The following EYA2 variants were observed in gnomAD, a reference collection of about 807,000 sequenced individuals.
The protein encoded by EYA2 is protein phosphatase EYA2.
A neutral mutation model predicts 69.2 loss-of-function variants in EYA2; 31 were observed. The observed-to-expected ratio is 0.45, with a 90% confidence interval of 0.34 to 0.60. The LOEUF is 0.60. Among genes scored for constraint, EYA2 ranks in the 20% least tolerant of loss-of-function variants. The pLI is 0.02. For missense variants in EYA2, 622 were observed against 701.2 expected (o/e 0.89, Z 1.28); for synonymous variants, 257 against 279.4 (o/e 0.92, Z 0.80).
chr20:47,149,096 AC>A (rs2033767694), intron 10 of EYA2, among the ~76,000 whole-genome samples: 1 of 152,172 alleles, frequency 6.6e-6, no homozygotes, highest in Non-Finnish European at 1.5e-5. Context: ...AAAAAAAAAA[AC>A]AAGTATTATT....
chr20:47,052,745 C>A, intron 5 of EYA2, among the ~76,000 whole-genome samples: 1 of 152,182 alleles, frequency 6.6e-6, no homozygotes, highest in East Asian at 1.9e-4. Flanking sequence ...CCTCAGCCCC[C>A]AAGTAGCTGG....
chr20:47,008,599 A>G (rs1982871711), intron 4 of EYA2, among the ~76,000 whole-genome samples: 1 of 152,244 alleles, frequency 6.6e-6, no homozygotes, highest in Non-Finnish European at 1.5e-5. Flanking sequence ...GTTCCCAGAC[A>G]AAACATGGCA....
chr20:46,954,488 G>A (rs1234112104), intron 1 of EYA2, among the ~76,000 whole-genome samples: 4 of 152,228 alleles, frequency 2.6e-5, no homozygotes, highest in Admixed American at 6.5e-5. Flanking sequence ...ATTTTGACTT[G>A]TGGTTTGTGG....
intron 1 of EYA2, among the ~76,000 whole-genome samples, chr20:46,937,945 T>C (rs963349356): frequency 6.6e-6 from 1 of 152,216 alleles, no homozygotes; most frequent in Admixed American, 6.5e-5. Flanking sequence ...AGCCAGGCCC[T>C]GATTTAAGAG....
At chr20:47,134,281 G>T (rs1028131661) in intron 9 of EYA2, among the ~76,000 whole-genome samples, 1 of 152,198 alleles carries the variant, frequency 6.6e-6, no homozygotes, top group African/African-American at 2.4e-5. Flanking sequence ...GAGCAAAAAA[G>T]CCATGACAGG....
intron 1 of EYA2, among the ~76,000 whole-genome samples, chr20:46,897,875 T>C (rs1983891074): frequency 6.6e-6 from 1 of 152,116 alleles, no homozygotes; most frequent in Non-Finnish European, 1.5e-5. Flanking sequence ...ACAAAGATGC[T>C]TGGGGGAGAA....
intron 9 of EYA2, among the ~76,000 whole-genome samples, chr20:47,120,203 G>A (rs562941927): frequency 1.1e-4 from 16 of 151,414 alleles, no homozygotes; most frequent in Admixed American, 3.3e-4. Context: ...GCAAGACTCC[G>A]CCTCAAAAAA....
chr20:46,902,426 T>G (rs1984156839), intron 1 of EYA2, among the ~76,000 whole-genome samples: 1 of 152,242 alleles, frequency 6.6e-6, no homozygotes, highest in African/African-American at 2.4e-5. Context: ...TGGAACGTGC[T>G]GTTATTATTA....
At chr20:47,167,791 A>T (rs1458698315) in intron 10 of EYA2, among the ~76,000 whole-genome samples, 1 of 152,056 alleles carries the variant, frequency 6.6e-6, no homozygotes, top group African/African-American at 2.4e-5. Context: ...AAGATCTCTA[A>T]CTGAACTAAA....
At chr20:47,047,481 G>A (rs1260909235) in intron 5 of EYA2, among the ~76,000 whole-genome samples, 3 of 151,502 alleles carry the variant, frequency 2.0e-5, no homozygotes, top group Non-Finnish European at 2.9e-5. Context: ...CCGCCTCCCG[G>A]GTTCAAGCGA....
chr20:47,050,481 C>T (rs761231679), intron 5 of EYA2, among the ~76,000 whole-genome samples: 27 of 152,108 alleles, frequency 1.8e-4, no homozygotes, highest in Non-Finnish European at 2.1e-4. Flanking sequence ...CATTCGGGGA[C>T]TTTGGAAATA....
chr20:47,184,122 G>A (rs1430137889), intron 15 of EYA2, among the ~76,000 whole-genome samples: 3 of 152,188 alleles, frequency 2.0e-5, no homozygotes, highest in Non-Finnish European at 4.4e-5. Context: ...GGCTTTGCAG[G>A]CACTGTTCCC....
chr20:47,183,345 A>T lies in EYA2; in HGVS notation c.1490A>T (p.Tyr497Phe), dbSNP rs765697821. Residue 497 changes from tyrosine to phenylalanine, a missense_variant, in exon 15 of 16, where the codon TAC becomes TTC. Coordinates refer to ENST00000327619, the MANE Select transcript of EYA2 (RefSeq NM_005244.5). ...IMQRFGRKAV[Y>F]VVIGDGVEEE... ...CAGAGATTCGGCAGAAAAGCTGTCT[A>T]CGTGGTGATCGGTGATGGTGTGGAA... The T allele has an allele frequency of 6.2e-7, 1 of 1,614,136 alleles. No homozygotes were observed. The highest frequency in any genetic ancestry group is 1.1e-5 in the South Asian group (1 of 91,080).
chr20:47,024,751 G>A (rs1983981720), intron 5 of EYA2, among the ~76,000 whole-genome samples: 1 of 152,216 alleles, frequency 6.6e-6, no homozygotes, highest in Non-Finnish European at 1.5e-5. Flanking sequence ...CTCTTGCAAG[G>A]ATCACTGTCC....
At chr20:46,946,256 G>T (rs1978451425) in intron 1 of EYA2, among the ~76,000 whole-genome samples, 1 of 152,196 alleles carries the variant, frequency 6.6e-6, no homozygotes, top group Non-Finnish European at 1.5e-5. Flanking sequence ...AGCCCTAGGA[G>T]GTCTTGCCCG....
rs1011645016 is a variant in EYA2, at chr20:47,086,284, G to A, written c.662-2955G>A. On this transcript the variant is annotated intron_variant, in intron 7 of 15. Transcript: ENST00000327619. ...GCAGATCACTTAAGGTCAGGAGTTC[G>A]AGACCAGCCTGGCCAACATGGTGAA... is the stretch of plus-strand genomic sequence containing the variant. Among the ~76,000 whole-genome samples the A allele has an allele frequency of 7.2e-5, 11 of 152,260 alleles. No individual in the cohort carries two copies. In the East Asian group the frequency reaches 7.7e-4, roughly 11 times the overall value.
At position 47,188,101 on chromosome 20, in the gene EYA2, C is replaced by A; in HGVS notation, c.1585C>A (p.Leu529Met). The change falls in exon 16 of 16, where the codon CTG becomes ATG. Residue 529 changes from leucine to methionine, a missense_variant. By Grantham distance (15) the Leu-to-Met change is conservative. Coordinates refer to ENST00000327619, the MANE Select transcript of EYA2 (RefSeq NM_005244.5). ...RISCHADLEA[L>M]RHALELEYL is the part of the protein sequence containing the mutation. Reference sequence around the variant, plus strand: ...ATCCTGCCACGCAGACCTGGAGGCACTGAGGCACGCCCTGGAGCTGGAGTA... The same window carrying A: ...ATCCTGCCACGCAGACCTGGAGGCAATGAGGCACGCCCTGGAGCTGGAGTA... 1 of 1,587,736 alleles carries A rather than the reference C, an allele frequency of 6.3e-7. No individual in the cohort carries two copies. The highest frequency in any genetic ancestry group is 8.6e-7 in the Non-Finnish European group (1 of 1,167,000).
At chr20:47,181,976 TGTG>T (rs1356108592) in intron 14 of EYA2, among the ~76,000 whole-genome samples, 1 of 152,180 alleles carries the variant, frequency 6.6e-6, no homozygotes, top group African/African-American at 2.4e-5. Flanking sequence ...TATTTTTAAT[TGTG>T]GTAAAATTAA....
At chr20:47,167,640 T>G (rs1377073974) in intron 10 of EYA2, among the ~76,000 whole-genome samples, 2 of 152,164 alleles carry the variant, frequency 1.3e-5, no homozygotes, top group Admixed American at 6.5e-5. Flanking sequence ...GTATGTTGAC[T>G]GTGGTCTCTT....
Sources: gnomAD v4.1 joint callset for allele counts (sites outside exome capture counted in the v4.1 genomes callset) on GRCh38, gnomAD v4.1.1 for gene constraint, MANE v1.5 for transcripts, NCBI Gene and HGNC (gene_info 2026-07-23, HGNC 2026-07-21) for gene names.